The following EYA1 variants were observed in gnomAD, a reference collection of about 807,000 sequenced individuals.
The protein encoded by EYA1 is EYA transcriptional coactivator and phosphatase 1, also known as protein phosphatase EYA1.
EYA1 carries 16 observed loss-of-function variants against 82.0 expected under a neutral mutation model. The ratio of observed to expected loss-of-function variants is 0.20; its 90% CI spans 0.13 to 0.30. The LOEUF (loss-of-function observed/expected upper bound fraction) is 0.30, where lower values mean the gene tolerates loss of function less well. EYA1 is among the 10% of genes least tolerant of loss of function. The pLI is 1.00. For missense variants in EYA1, 633 were observed against 730.7 expected, an observed-to-expected ratio of 0.87 and a Z score of 1.54; for synonymous variants, 261 against 264.4, an observed-to-expected ratio of 0.99 and a Z score of 0.12.
rs573221536 is a variant in EYA1, at chr8:71,302,881, A to C, written c.557-3161T>G. On this transcript the variant is annotated intron_variant, in intron 7 of 17. Coordinates refer to ENST00000340726, the MANE Select transcript of EYA1 (RefSeq NM_000503.6). ...ATCTTGTCACTCCCCTGCTAAAAAA[A>C]GTAACTTTTAATGGCTCCCTGTTGC... Among the ~76,000 whole-genome samples, 6 of 142,162 alleles carry C rather than the reference A, an allele frequency of 4.2e-5. 1 individual carries two copies. In the South Asian group the frequency reaches 1.4e-3, roughly 33 times the overall value. The allele number at this position is 142,162 out of a possible 152,430, so 93.3% of individuals were successfully genotyped here.
chr8:71,406,385 T>C (rs972131023), intron 2 of EYA1, among the ~76,000 whole-genome samples: 8 of 152,154 alleles, frequency 5.3e-5, no homozygotes, highest in African/African-American at 1.9e-4. Context: ...GATGGCCGAA[T>C]AGGAACAGCT....
chr8:71,508,823 A>C (rs573413956), intron 2 of EYA1, among the ~76,000 whole-genome samples: 6 of 152,316 alleles, frequency 3.9e-5, no homozygotes, highest in Admixed American at 1.3e-4. Flanking sequence ...TAAACTTCCC[A>C]AGACCAGGGT....
At chr8:71,478,230 C>A (rs1291419024) in intron 2 of EYA1, among the ~76,000 whole-genome samples, 1 of 151,986 alleles carries the variant, frequency 6.6e-6, no homozygotes, top group Non-Finnish European at 1.5e-5. Flanking sequence ...TGGTCAGCAA[C>A]AATTATTTTT....
At chr8:71,211,363 C>T (rs978096779) in intron 16 of EYA1, 107 bp from the exon 17 acceptor site, 4 of 741,218 alleles carry the variant, frequency 5.4e-6, no homozygotes, top group East Asian at 2.6e-5. Flanking sequence ...GATTCGAATG[C>T]CCCACTAGTA....
chr8:71,267,591 C>T (rs1475353427), intron 11 of EYA1, among the ~76,000 whole-genome samples: 2 of 152,086 alleles, frequency 1.3e-5, no homozygotes, highest in African/African-American at 2.4e-5. Context: ...CTCTGTTGCC[C>T]AGGCTGGAGC....
chr8:71,447,972 A>G (rs1210225011), intron 2 of EYA1, among the ~76,000 whole-genome samples: 1 of 139,496 alleles, frequency 7.2e-6, no homozygotes, highest in African/African-American at 2.7e-5. Flanking sequence ...TTTCCAAAAG[A>G]TTTCTCTGTA....
chr8:71,445,135 G>A (rs1417332243), intron 2 of EYA1, among the ~76,000 whole-genome samples: 1 of 152,096 alleles, frequency 6.6e-6, no homozygotes, highest in African/African-American at 2.4e-5. Flanking sequence ...TGTGTGCTTT[G>A]AGAAATTTTG....
At position 71,521,257 on chromosome 8, in the gene EYA1, G is replaced by A. The variant is rs1175750387; in HGVS notation, c.33+14487C>T. Among the ~76,000 whole-genome samples, 3 of 152,010 alleles carry A rather than the reference G, an allele frequency of 2.0e-5. No individual in the cohort carries two copies. The East Asian group carries it at 5.8e-4, about 29-fold the overall frequency. On this transcript the variant is annotated intron_variant, in intron 2 of 18. Transcript: ENST00000643681. ...CAAAACTACAAAAATGGCTGAATAT[G>A]TTTTCAGTCATATCTTAAATCTGTC...
chr8:71,331,715 T>C (rs1195790554), intron 4 of EYA1, among the ~76,000 whole-genome samples: 3 of 152,144 alleles, frequency 2.0e-5, no homozygotes, highest in South Asian at 2.1e-4. Context: ...TCTCTTAATA[T>C]AGTTAACATT....
chr8:71,237,355 G>A (rs1399389204), intron 12 of EYA1, among the ~76,000 whole-genome samples: 1 of 152,102 alleles, frequency 6.6e-6, no homozygotes, highest in East Asian at 1.9e-4. Context: ...TAATTTGAAT[G>A]CTTTTCTCTT....
intron 1 of EYA1, among the ~76,000 whole-genome samples, chr8:71,361,007 T>A (rs529229835): frequency 6.6e-6 from 1 of 152,348 alleles, no homozygotes; most frequent in African/African-American, 2.4e-5. Context: ...AACTTCAAGG[T>A]CCACTCAAGC....
At chr8:71,405,450 CTG>C (rs773196928) in intron 2 of EYA1, among the ~76,000 whole-genome samples, 3 of 152,242 alleles carry the variant, frequency 2.0e-5, no homozygotes, top group Non-Finnish European at 2.9e-5. Context: ...GTTCAGGTGT[CTG>C]TGCAATTGTT....
At chr8:71,393,473 G>T (rs933184090) in intron 2 of EYA1, among the ~76,000 whole-genome samples, 2 of 152,100 alleles carry the variant, frequency 1.3e-5, no homozygotes, top group Non-Finnish European at 1.5e-5. Flanking sequence ...AGTCCCCAGT[G>T]TGTGATGTTC....
intron 12 of EYA1, among the ~76,000 whole-genome samples, chr8:71,224,350 A>G (rs2128870824): frequency 6.6e-6 from 1 of 152,370 alleles, no homozygotes; most frequent in East Asian, 1.9e-4. Flanking sequence ...ATGGAAGGAT[A>G]AAAGTCAGCA....
At chr8:71,460,830 C>A (rs1394663987) in intron 2 of EYA1, among the ~76,000 whole-genome samples, 2 of 152,166 alleles carry the variant, frequency 1.3e-5, no homozygotes, top group Admixed American at 6.5e-5. Context: ...GCACCCCAGG[C>A]AATTCTGGTG....
At chr8:71,386,470 T>C (rs1828971119) in intron 2 of EYA1, among the ~76,000 whole-genome samples, 1 of 152,234 alleles carries the variant, frequency 6.6e-6, no homozygotes, top group Non-Finnish European at 1.5e-5. Flanking sequence ...TTTAAATCTT[T>C]AAAGGCCACA....
intron 2 of EYA1, among the ~76,000 whole-genome samples, chr8:71,434,438 T>C (rs1049853785): frequency 1.1e-4 from 16 of 152,306 alleles, no homozygotes; most frequent in Admixed American, 9.8e-4. Flanking sequence ...AGGAAAGCTT[T>C]ATACAATTAG....
intron 2 of EYA1, among the ~76,000 whole-genome samples, chr8:71,420,902 T>C (rs1189746494): frequency 1.3e-5 from 2 of 152,216 alleles, no homozygotes; most frequent in Non-Finnish European, 2.9e-5. Context: ...GGCAGGTTTG[T>C]GGGTTTTTTC....
Position 71,463,632 on chromosome 8 carries a change from T to TCC in EYA1, c.33+72110_33+72111dup, listed in dbSNP as rs1563640263. Among the ~76,000 whole-genome samples, 4 of 32,440 alleles carry TCC rather than the reference T, an allele frequency of 1.2e-4. 1 individual carries two copies. Among genetic ancestry groups the TCC allele is most frequent in the African/African-American group, 5.3e-4 (3 of 5,648 alleles). The allele number at this position is 32,440 out of a possible 152,430, so 21.3% of individuals were successfully genotyped here. A position where few individuals can be genotyped will look rare whatever the true frequency, so the allele number is the denominator to read the frequency against. On this transcript the variant is annotated intron_variant, in intron 2 of 18. Coordinates refer to the EYA1 transcript ENST00000643681. ...CTCTCTCTCTCTCTCTCTCTCTCTC[T>TCC]CCCTCCCTCCCCCCTCCCACACACA...
Sources: allele counts gnomAD v4.1 joint callset (sites outside exome capture counted in the v4.1 genomes callset), GRCh38; gene constraint gnomAD v4.1.1; transcripts MANE v1.5; gene names NCBI Gene and HGNC (gene_info 2026-07-23, HGNC 2026-07-21).